The following GALNTL6 variants were observed in gnomAD, a reference collection of about 807,000 sequenced individuals.
GALNTL6 encodes the protein polypeptide N-acetylgalactosaminyltransferase like 6.
In GALNTL6, 46 loss-of-function variants were observed where a neutral mutation model predicts 73.7. The ratio of observed to expected loss-of-function variants is 0.62; its 90% CI spans 0.49 to 0.80. The LOEUF is 0.80. Ranked by LOEUF, GALNTL6 falls within the 30% of genes least tolerant of loss-of-function variation. GALNTL6 has a pLI of 0.00. For synonymous variants in GALNTL6, 259 were observed against 263.7 expected, an observed-to-expected ratio of 0.98 and a Z score of 0.17; for missense variants, 604 against 755.0, an observed-to-expected ratio of 0.80 and a Z score of 2.34.
At chr4:172,921,621 C>G (rs1014642300) in intron 8 of GALNTL6, among the ~76,000 whole-genome samples, 3 of 151,888 alleles carry the variant, frequency 2.0e-5, no homozygotes, top group African/African-American at 7.3e-5. Context: ...CATGGTGAAA[C>G]CTGTCTCTAC....
intron 2 of GALNTL6, among the ~76,000 whole-genome samples, chr4:172,048,057 G>GT: frequency 6.6e-6 from 1 of 151,972 alleles, no homozygotes; most frequent in Non-Finnish European, 1.5e-5. Flanking sequence ...CAGGAACCTT[G>GT]TTTATCTTTC....
chr4:172,999,092 G>A (rs938920455), intron 10 of GALNTL6, among the ~76,000 whole-genome samples: 9 of 152,002 alleles, frequency 5.9e-5, no homozygotes, highest in African/African-American at 1.9e-4. Context: ...TAGGGCTGAG[G>A]AATGTGAGCA....
chr4:172,250,471 G>A (rs1412133085), intron 3 of GALNTL6, among the ~76,000 whole-genome samples: 2 of 152,102 alleles, frequency 1.3e-5, no homozygotes, highest in Non-Finnish European at 2.9e-5. Context: ...GGGGCCAGGA[G>A]CATAATGATA....
intron 3 of GALNTL6, among the ~76,000 whole-genome samples, chr4:172,246,015 A>G (rs1007188111): frequency 1.3e-5 from 2 of 152,206 alleles, no homozygotes; most frequent in Admixed American, 6.6e-5. Context: ...CAGAACTGAG[A>G]TCATACTAAT....
At position 171,996,986 on chromosome 4, in the gene GALNTL6, T is replaced by A. The variant is rs1021548292; in HGVS notation, c.138+182268T>A. Among the ~76,000 whole-genome samples, 4 of 152,146 alleles carry A rather than the reference T, an allele frequency of 2.6e-5. No individual in the cohort carries two copies. In the East Asian group the frequency reaches 7.7e-4, roughly 29 times the overall value. ...GCATAACAAACAACATTCTTTGCCA[T>A]CTGTAAGTAACTACAGTTCTTAGTT... On this transcript the variant is annotated intron_variant, in intron 2 of 12. Coordinates refer to ENST00000506823, the MANE Select transcript of GALNTL6 (RefSeq NM_001034845.3).
At chr4:172,262,374 T>A (rs1484057285) in intron 3 of GALNTL6, among the ~76,000 whole-genome samples, 3 of 151,626 alleles carry the variant, frequency 2.0e-5, no homozygotes, top group Middle Eastern at 3.4e-3. Flanking sequence ...TTTATCATTA[T>A]ATAATTTCCT....
intron 2 of GALNTL6, among the ~76,000 whole-genome samples, chr4:171,834,662 G>A (rs112091510): frequency 0.011 from 1,666 of 152,126 alleles, 12 homozygotes; most frequent in Non-Finnish European, 0.017. Flanking sequence ...TAGGAAGAGG[G>A]AGGAAACACT....
chr4:172,055,653 G>C (rs564863002), intron 2 of GALNTL6, among the ~76,000 whole-genome samples: 34 of 152,110 alleles, frequency 2.2e-4, no homozygotes, highest in Non-Finnish European at 4.6e-4. Context: ...AAACCTGCTA[G>C]GCTTTAAGCT....
intron 10 of GALNTL6, among the ~76,000 whole-genome samples, chr4:172,979,984 A>G (rs2126429304): frequency 6.6e-6 from 1 of 152,322 alleles, no homozygotes; most frequent in Admixed American, 6.5e-5. Context: ...ATAATGCTAT[A>G]TGTCTTTGTA....
chr4:171,904,760 C>A (rs1328506003), intron 2 of GALNTL6, among the ~76,000 whole-genome samples: 1 of 152,164 alleles, frequency 6.6e-6, no homozygotes, highest in Non-Finnish European at 1.5e-5. Flanking sequence ...TCGGGTTACC[C>A]TCAAAGGGAA....
chr4:172,232,191 T>G (rs1737096401), intron 3 of GALNTL6, among the ~76,000 whole-genome samples: 1 of 152,150 alleles, frequency 6.6e-6, no homozygotes, highest in Non-Finnish European at 1.5e-5. Context: ...AAAGGATCAT[T>G]TGTGCCATTG....
intron 3 of GALNTL6, among the ~76,000 whole-genome samples, chr4:172,295,883 G>A (rs940520286): frequency 2.6e-5 from 4 of 151,840 alleles, no homozygotes; most frequent in Admixed American, 6.6e-5. Flanking sequence ...TTTGTAGGAA[G>A]TTTTGTATAC....
At chr4:172,160,900 AC>A (rs1734441288) in intron 2 of GALNTL6, among the ~76,000 whole-genome samples, 2 of 54,302 alleles carry the variant, frequency 3.7e-5, no homozygotes, top group African/African-American at 1.8e-4. Context: ...AGACACACAC[AC>A]ACACACACAT....
At chr4:172,295,887 T>G (rs112091529) in intron 3 of GALNTL6, among the ~76,000 whole-genome samples, 20 of 152,222 alleles carry the variant, frequency 1.3e-4, no homozygotes, top group African/African-American at 4.8e-4. Context: ...TAGGAAGTTT[T>G]GTATACACTC....
At chr4:172,721,267 A>AT (rs1384016194) in intron 5 of GALNTL6, among the ~76,000 whole-genome samples, 59 of 152,200 alleles carry the variant, frequency 3.9e-4, no homozygotes, top group African/African-American at 1.4e-3. Context: ...TTATTCCACA[A>AT]TGATAACCCT....
chr4:172,180,928 C>T (rs867639122), intron 2 of GALNTL6, among the ~76,000 whole-genome samples: 15 of 152,106 alleles, frequency 9.9e-5, no homozygotes, highest in African/African-American at 3.1e-4. Flanking sequence ...TCTGGCTATA[C>T]GGGCTGTTCT....
At chr4:172,519,698 C>G (rs1270419013) in intron 5 of GALNTL6, among the ~76,000 whole-genome samples, 1 of 151,692 alleles carries the variant, frequency 6.6e-6, no homozygotes, top group Non-Finnish European at 1.5e-5. Flanking sequence ...ATAGATTGAA[C>G]TGAGTTGATT....
At chr4:172,873,474 C>T (rs1288910538) in intron 7 of GALNTL6, among the ~76,000 whole-genome samples, 1 of 152,176 alleles carries the variant, frequency 6.6e-6, no homozygotes, top group Non-Finnish European at 1.5e-5. Context: ...ACCCACAATC[C>T]CACCTAGATT....
intron 2 of GALNTL6, among the ~76,000 whole-genome samples, chr4:171,895,723 A>T (rs1736894392): frequency 6.6e-6 from 1 of 152,218 alleles, no homozygotes; most frequent in Non-Finnish European, 1.5e-5. Flanking sequence ...AAGTGAAGCC[A>T]TTTCTGCAAT....
Sources: gnomAD v4.1 joint callset for allele counts (sites outside exome capture counted in the v4.1 genomes callset) on GRCh38, gnomAD v4.1.1 for gene constraint, MANE v1.5 for transcripts, NCBI Gene and HGNC (gene_info 2026-07-23, HGNC 2026-07-21) for gene names.